Variants in TMC7 observed in about 807,000 individuals in gnomAD.
TMC7 encodes transmembrane channel like 7.
In TMC7, 54 loss-of-function variants were observed where a neutral mutation model predicts 82.9. The observed-to-expected ratio is 0.65, with a 90% CI of 0.52 to 0.82. The LOEUF (loss-of-function observed/expected upper bound fraction) is 0.82. Ranked by LOEUF, TMC7 falls within the 40% of genes least tolerant of loss-of-function variation. The pLI is 0.00. For synonymous variants in TMC7, 350 were observed against 337.9 expected (o/e 1.04, Z -0.39); for missense variants, 820 against 901.2 (o/e 0.91, Z 1.15).
chr16:19,055,770 T>G lies in TMC7; in HGVS notation c.1872-772T>G, dbSNP rs186214621. Among the ~76,000 whole-genome samples, 119 of 152,354 alleles carry G rather than the reference T, an allele frequency of 7.8e-4. 1 individual carries two copies. The South Asian group carries it at 0.011, about 14-fold the overall frequency. On this transcript the variant is annotated intron_variant, in intron 13 of 15. Transcript: ENST00000304381. ...ACATGTGCAGGACGTGCAGGTTTGT[T>G]ACCTAGGTAAATGTGTGCCATGGTG...
intron 5 of TMC7, among the ~76,000 whole-genome samples, chr16:19,024,277 T>C (rs889052100): frequency 7.2e-5 from 11 of 151,938 alleles, no homozygotes; most frequent in African/African-American, 2.7e-4. Context: ...CAGAATTAGC[T>C]GGGCGTGGTG....
intron 14 of TMC7, among the ~76,000 whole-genome samples, chr16:19,057,930 A>C (rs1432319922): frequency 3.4e-5 from 5 of 148,604 alleles, no homozygotes; most frequent in African/African-American, 1.2e-4. Context: ...TGCACAGAAG[A>C]CAGAAGCCAG....
chr16:19,052,421 T>G (rs1011254947), intron 13 of TMC7, among the ~76,000 whole-genome samples: 3 of 152,162 alleles, frequency 2.0e-5, no homozygotes, highest in Admixed American at 6.6e-5. Flanking sequence ...GATCTCAAAC[T>G]CCTGAGCTCA....
rs747234089 is a variant in TMC7, at chr16:19,045,381, T to C, written c.1496T>C (p.Met499Thr). Residue 499 changes from methionine (M) to threonine (T), a missense_variant, in exon 11 of 16, where the codon ATG (methionine) becomes ACG (threonine). This residue lies in a region of TMC7 where 650 missense variants were observed against 669.9 expected (regional missense o/e 0.97). Coordinates refer to ENST00000304381, the MANE Select transcript of TMC7 (RefSeq NM_024847.4). ...TQVGQEMYKL[M>T]IFDFIIILAV... ...GTTGGGCAGGAAATGTACAAGCTGA[T>C]GATCTTCGACTTCATCATCATCTTG... 9.9e-6 allele frequency: 16 copies of C among 1,614,018 alleles called. No homozygotes were observed. The highest frequency in any genetic ancestry group is 1.4e-5 in the Non-Finnish European group (16 of 1,179,938).
At chr16:19,055,154 C>A (rs1190870271) in intron 13 of TMC7, among the ~76,000 whole-genome samples, 1 of 151,904 alleles carries the variant, frequency 6.6e-6, no homozygotes, top group Non-Finnish European at 1.5e-5. Context: ...TCTATGCATA[C>A]TTTTTTTTGG....
intron 1 of TMC7, among the ~76,000 whole-genome samples, chr16:18,985,015 AC>A (rs2038820034): frequency 6.6e-6 from 1 of 152,178 alleles, no homozygotes; most frequent in African/African-American, 2.4e-5. Context: ...TAATCCCAGC[AC>A]TTTGGGAGGC....
intron 2 of TMC7, among the ~76,000 whole-genome samples, chr16:19,010,734 T>C (rs940261873): frequency 4.6e-5 from 7 of 152,204 alleles, no homozygotes; most frequent in African/African-American, 1.7e-4. Flanking sequence ...TTGGGCTGAA[T>C]CTTTATCCAT....
intron 3 of TMC7, among the ~76,000 whole-genome samples, chr16:19,020,500 A>T (rs1959913790): frequency 6.6e-6 from 1 of 152,216 alleles, no homozygotes; most frequent in Admixed American, 6.5e-5. Flanking sequence ...ATATAAAATG[A>T]ATTGTATTTC....
At position 19,021,707 on chromosome 16, in the gene TMC7, T is replaced by A; in HGVS notation, c.539T>A (p.Ile180Asn). 6.2e-7 allele frequency: 1 copy of A among 1,614,168 alleles called. No homozygotes were observed. ...TTGCTGAATTTGGTGATATTTCTGATCATCTTTATGCTGGTTTTGCTCCCA... is the reference window on the plus strand; with the variant it reads ...TTGCTGAATTTGGTGATATTTCTGAACATCTTTATGCTGGTTTTGCTCCCA... ...LVLLNLVIFL[I>N]IFMLVLLPVL... Residue 180 changes from isoleucine (I) to asparagine (N), a missense_variant, in exon 4 of 16, where the codon ATC (isoleucine) becomes AAC (asparagine). Physicochemically the swap from Ile to Asn is moderately radical, Grantham distance 149 (BLOSUM62 -3). Coordinates refer to ENST00000304381, the MANE Select transcript of TMC7 (RefSeq NM_024847.4).
intron 5 of TMC7, among the ~76,000 whole-genome samples, chr16:19,025,317 G>T (rs892598577): frequency 2.0e-5 from 3 of 151,910 alleles, no homozygotes; most frequent in Admixed American, 6.6e-5. Flanking sequence ...GAAAATTACT[G>T]GTATCAAAAT....
intron 2 of TMC7, among the ~76,000 whole-genome samples, chr16:19,015,943 T>C (rs1371900135): frequency 6.6e-6 from 1 of 152,178 alleles, no homozygotes; most frequent in African/African-American, 2.4e-5. Flanking sequence ...TGGAACTACA[T>C]GGCACATGGT....
At chr16:19,004,942 A>G (rs2039209865) in intron 1 of TMC7, among the ~76,000 whole-genome samples, 2 of 151,906 alleles carry the variant, frequency 1.3e-5, no homozygotes, top group Admixed American at 6.6e-5. Flanking sequence ...GGCTCAAGCA[A>G]TCCTCCTGCT....
intron 1 of TMC7, among the ~76,000 whole-genome samples, chr16:18,992,254 G>A (rs890566557): frequency 2.0e-4 from 31 of 152,156 alleles, no homozygotes; most frequent in African/African-American, 5.8e-4. Context: ...CCTCTCCAGC[G>A]CCTGTTGTTT....
intron 1 of TMC7, among the ~76,000 whole-genome samples, chr16:19,005,051 C>CTTTAT (rs1567505186): frequency 6.9e-6 from 1 of 145,948 alleles, no homozygotes. Context: ...ATGTTAAATA[C>CTTTAT]TTTATTTTAT....
Position 19,051,732 on chromosome 16 carries a change from C to T in TMC7, c.1787C>T (p.Ala596Val). ...AGACCCTCCCCCAGGCCGTTCAGAG[C>T]ATCCAATTCTAATTTCTTCTTCCTG... Reference protein sequence around the residue: ...TCRPSPRPFRASNSNFFFLLV... With the variant: ...TCRPSPRPFRVSNSNFFFLLV... Residue 596 changes from alanine to valine, a missense_variant, in exon 13 of 16, where the codon GCA becomes GTA. Around this residue, in one of 2 missense-constraint regions of TMC7, gnomAD observed 170 missense variants for 231.3 expected, o/e 0.74. Coordinates refer to ENST00000304381, the MANE Select transcript of TMC7 (RefSeq NM_024847.4). The T allele has an allele frequency of 6.2e-7, 1 of 1,614,080 alleles. No homozygotes were observed.
chr16:19,018,742 C>T (rs1262529280), intron 3 of TMC7, among the ~76,000 whole-genome samples: 1 of 151,796 alleles, frequency 6.6e-6, no homozygotes, highest in Non-Finnish European at 1.5e-5. Context: ...TTGTGACCAG[C>T]CTGGGTAACA....
In TMC7 at chr16:19,062,410, C is replaced by G. The variant is rs979940004; in HGVS notation, c.*567C>G. 2.6e-5 allele frequency: 4 copies of G among 152,268 alleles called. No homozygotes were observed. The highest frequency in any genetic ancestry group is 5.9e-5 in the Non-Finnish European group (4 of 68,078). The allele number at this position is 152,268 out of a possible 1,614,324, so 9.4% of individuals were successfully genotyped here. A position where few individuals can be genotyped will look rare whatever the true frequency, so the allele number is the denominator to read the frequency against. Reference sequence around the variant, plus strand: ...TGGGAGGCCGAGGCAGGCGGAGCACCTAAGTTGGGGAGTTCAAGACCAGCC... The same window carrying G: ...TGGGAGGCCGAGGCAGGCGGAGCACGTAAGTTGGGGAGTTCAAGACCAGCC... On this transcript the variant is annotated 3_prime_UTR_variant, in exon 16 of 16. Coordinates refer to ENST00000304381, the MANE Select transcript of TMC7 (RefSeq NM_024847.4).
chr16:19,034,439 A>C (rs530293054), intron 6 of TMC7, among the ~76,000 whole-genome samples: 1 of 152,066 alleles, frequency 6.6e-6, no homozygotes, highest in Non-Finnish European at 1.5e-5. Context: ...TCTACTAAAA[A>C]TACAGAAAAT....
At chr16:19,029,019 AT>A (rs1297862359) in intron 5 of TMC7, among the ~76,000 whole-genome samples, 1 of 148,878 alleles carries the variant, frequency 6.7e-6, no homozygotes, top group East Asian at 2.0e-4. Context: ...TTATTTATTT[AT>A]TTTGAGACAG....
Sources: gnomAD v4.1 joint callset for allele counts (sites outside exome capture counted in the v4.1 genomes callset) on GRCh38, gnomAD v4.1.1 for gene constraint, gnomAD v4.1.1 regional missense constraint, MANE v1.5 for transcripts, NCBI Gene and HGNC (gene_info 2026-07-23, HGNC 2026-07-21) for gene names.